The following TNIP3 variants were observed in gnomAD, a reference collection of about 807,000 sequenced individuals.
TNIP3 encodes the protein TNFAIP3-interacting protein 3.
In TNIP3, 34 loss-of-function variants were observed where a neutral mutation model predicts 54.1. The observed-to-expected ratio is 0.63, with a 90% CI of 0.48 to 0.84. The LOEUF (loss-of-function observed/expected upper bound fraction) is 0.84. Ranked by LOEUF, TNIP3 falls within the 40% of genes least tolerant of loss-of-function variation. The pLI, the probability that TNIP3 is intolerant of heterozygous loss-of-function variation, is 0.00. For missense variants in TNIP3, 366 were observed against 387.6 expected (o/e 0.94, Z 0.47); for synonymous variants, 134 against 136.8 (o/e 0.98, Z 0.14).
chr4:121,165,192 C>T (rs1730688990), upstream of TNIP3, among the ~76,000 whole-genome samples: 1 of 151,568 alleles, frequency 6.6e-6, no homozygotes, highest in African/African-American at 2.4e-5. Context: ...GCCTAAAACT[C>T]CTAAAATTCA....
At chr4:121,143,146 C>T (rs954445404) in intron 7 of TNIP3, among the ~76,000 whole-genome samples, 1 of 152,182 alleles carries the variant, frequency 6.6e-6, no homozygotes, top group African/African-American at 2.4e-5. Flanking sequence ...ATGTCAGAAA[C>T]TTATCTAAAT....
chr4:121,157,237 C>T lies in TNIP3; in HGVS notation c.220G>A (p.Glu74Lys). 6.2e-7 allele frequency: 1 copy of T among 1,614,138 alleles called. No homozygotes were observed. The highest frequency in any genetic ancestry group is 8.5e-7 in the Non-Finnish European group (1 of 1,180,032). The change falls in exon 4 of 11, where the codon GAG becomes AAG. Residue 74 changes from glutamate (E) to lysine (K), a missense_variant. Transcript: ENST00000057513. The part of the protein sequence containing the change: ...MKELYERKVA[E>K]LKTKLDAAER... ...GCGGCGTCCAGTTTCGTCTTCAGCT[C>T]TGCTACCTGAGGAGGTCGTTCAAAG...
intron 2 of TNIP3, among the ~76,000 whole-genome samples, chr4:121,215,495 G>A (rs1240143641): frequency 6.6e-6 from 1 of 152,084 alleles, no homozygotes; most frequent in African/African-American, 2.4e-5. Flanking sequence ...ACCACCTGTG[G>A]AAGCCAAAAC....
At position 121,157,322 on chromosome 4, in the gene TNIP3, A is replaced by G. The variant is rs1730177711; in HGVS notation, c.214-79T>C. On this transcript the variant is annotated intron_variant, in intron 3 of 10. Coordinates refer to ENST00000057513, the MANE Select transcript of TNIP3 (RefSeq NM_024873.6). ...CCCTGGATTTATTCCCAGGCTATGA[A>G]CTTTGGCAGAAACGCCCCACCCCAG... 3 of 1,594,774 alleles carry G rather than the reference A, an allele frequency of 1.9e-6. No individual in the cohort carries two copies. The East Asian group carries it at 6.7e-5, about 36-fold the overall frequency.
chr4:121,223,860 CAG>C (rs1470995453), intron 1 of TNIP3, among the ~76,000 whole-genome samples: 2 of 152,160 alleles, frequency 1.3e-5, no homozygotes, highest in African/African-American at 4.8e-5. Context: ...GAAGCAATAT[CAG>C]AGACTATTCT....
In TNIP3 at chr4:121,132,277, T is replaced by C. The variant is rs574418815; in HGVS notation, c.*354A>G. 5.0e-5 allele frequency: 12 copies of C among 240,450 alleles called. No individual in the cohort carries two copies. The South Asian group carries it at 1.0e-3, about 20-fold the overall frequency. The allele number at this position is 240,450 out of a possible 1,614,324, so 14.9% of individuals were successfully genotyped here. A position where few individuals can be genotyped will look rare whatever the true frequency, so the allele number is the denominator to read the frequency against. The stretch of plus-strand genomic sequence containing the variant: ...ATATGCACTTTAAATCAACATACAA[T>C]ATCCCTGCAGCAAACACTGAGTTGC... On this transcript the variant is annotated 3_prime_UTR_variant, in exon 11 of 11. Transcript: ENST00000057513.
At chr4:121,149,821 G>C (rs1281406110) in intron 6 of TNIP3, among the ~76,000 whole-genome samples, 1 of 152,114 alleles carries the variant, frequency 6.6e-6, no homozygotes, top group African/African-American at 2.4e-5. Flanking sequence ...AGTGCTAATA[G>C]AACCTCACCC....
chr4:121,139,726 G>A lies in TNIP3; in HGVS notation c.886-1042C>T, dbSNP rs543675005. ...CTGTACCCCTACTCTAGACACCTAGGCCCTTGGCTCCTCTGGCTTATGAAA... is the reference window on the plus strand; with the variant it reads ...CTGTACCCCTACTCTAGACACCTAGACCCTTGGCTCCTCTGGCTTATGAAA... On this transcript the variant is annotated intron_variant, in intron 9 of 10. Coordinates refer to ENST00000057513, the MANE Select transcript of TNIP3 (RefSeq NM_024873.6). 3.3e-5 allele frequency among the ~76,000 whole-genome samples: 5 copies of A among 152,204 alleles called. 1 individual carries two copies. In the South Asian group the frequency reaches 1.0e-3, roughly 32 times the overall value.
intron 10 of TNIP3, among the ~76,000 whole-genome samples, chr4:121,135,506 T>C (rs1728729064): frequency 6.6e-6 from 1 of 152,180 alleles, no homozygotes; most frequent in African/African-American, 2.4e-5. Flanking sequence ...CATGTGATCC[T>C]CCTACCTTAG....
intron 5 of TNIP3, 127 bp downstream of exon 5, chr4:121,154,424 T>C (rs1004530235): frequency 3.3e-6 from 4 of 1,204,836 alleles, no homozygotes; most frequent in Non-Finnish European, 4.7e-6. Context: ...AAATCACAGA[T>C]AATTTCTTGT....
intron 1 of TNIP3, among the ~76,000 whole-genome samples, chr4:121,162,539 G>C (rs1730515479): frequency 6.6e-6 from 1 of 152,166 alleles, no homozygotes; most frequent in Non-Finnish European, 1.5e-5. Flanking sequence ...CCAAGAAACT[G>C]GACCCATTCT....
At chr4:121,153,835 A>G (rs1360793663) in intron 5 of TNIP3, among the ~76,000 whole-genome samples, 5 of 152,178 alleles carry the variant, frequency 3.3e-5, no homozygotes. Flanking sequence ...TTTTATCATG[A>G]AATATCTAGT....
At chr4:121,143,108 C>T (rs554119905) in intron 7 of TNIP3, among the ~76,000 whole-genome samples, 5 of 152,264 alleles carry the variant, frequency 3.3e-5, no homozygotes, top group South Asian at 2.1e-4. Context: ...CCACAATAAA[C>T]GTTAGAAGTT....
Position 121,222,804 on chromosome 4 carries a change from G to GTTTT in TNIP3, c.3+4577_3+4580dup, listed in dbSNP as rs138758827. On this transcript the variant is annotated intron_variant, in intron 1 of 12. Transcript: ENST00000509841. ...GTGGAGCTGAGGGTGTTTTTTGTGCGTTTTTTTTTTTTTTTTTTTGAGACG... is the reference window on the plus strand; with the variant it reads ...GTGGAGCTGAGGGTGTTTTTTGTGCGTTTTTTTTTTTTTTTTTTTTTTTGAGACG... Among the ~76,000 whole-genome samples, 246 of 105,760 alleles carry GTTTT rather than the reference G, an allele frequency of 2.3e-3. 15 individuals carry two copies. The highest frequency in any genetic ancestry group is 5.9e-3 in the South Asian group (17 of 2,886). 69.4% of individuals were successfully genotyped at this position (105,760 alleles called of 152,430 possible).
rs375813451 is a variant in TNIP3, at chr4:121,186,025, T to C, written c.69-3229A>G. On this transcript the variant is annotated intron_variant, in intron 2 of 12. Transcript: ENST00000507879. The stretch of plus-strand genomic sequence containing the variant: ...TCAGCCTCAGAGCTGGGGCCCTGCG[T>C]CCTCTCACGTGAGCCTGGTTCAGCA... Among the ~76,000 whole-genome samples, 632 of 152,312 alleles carry C rather than the reference T, an allele frequency of 4.1e-3. 5 individuals carry two copies. Among genetic ancestry groups the C allele is most frequent in the African/African-American group, 0.014 (593 of 41,556 alleles).
intron 2 of TNIP3, among the ~76,000 whole-genome samples, chr4:121,184,362 T>C (rs1437278489): frequency 6.6e-6 from 1 of 152,072 alleles, no homozygotes; most frequent in African/African-American, 2.4e-5. Flanking sequence ...CTCACAGGAG[T>C]AGGCTCTGAC....
chr4:121,219,718 C>A (rs954686428), upstream of TNIP3, among the ~76,000 whole-genome samples: 1 of 152,128 alleles, frequency 6.6e-6, no homozygotes, highest in African/African-American at 2.4e-5. Flanking sequence ...CCAACGAATT[C>A]TTATACTATT....
intron 5 of TNIP3, among the ~76,000 whole-genome samples, chr4:121,152,928 C>A (rs1729846733): frequency 6.6e-6 from 1 of 151,784 alleles, no homozygotes; most frequent in Non-Finnish European, 1.5e-5. Context: ...AACTAACAAC[C>A]AAGATTAGTA....
intron 2 of TNIP3, among the ~76,000 whole-genome samples, chr4:121,202,108 A>G (rs1486240097): frequency 6.6e-6 from 1 of 152,116 alleles, no homozygotes; most frequent in Non-Finnish European, 1.5e-5. Flanking sequence ...CCAAAGTAAA[A>G]CTAAACAAAA....
Sources: allele counts gnomAD v4.1 joint callset (sites outside exome capture counted in the v4.1 genomes callset), GRCh38; gene constraint gnomAD v4.1.1; transcripts MANE v1.5; gene names NCBI Gene and HGNC (gene_info 2026-07-23, HGNC 2026-07-21).